The following LMF2 variants were observed in gnomAD, a reference collection of about 807,000 sequenced individuals.
LMF2 encodes the protein lipase maturation factor 2.
A neutral mutation model predicts 81.5 loss-of-function variants in LMF2; 113 were observed. The ratio of observed to expected loss-of-function variants is 1.39; its 90% CI spans 1.19 to 1.62. The LOEUF is 1.62. LMF2 is among the 40% of genes most tolerant of loss of function. The pLI, the probability that LMF2 is intolerant of heterozygous loss-of-function variation, is 0.00. For synonymous variants in LMF2, 645 were observed against 424.5 expected (o/e 1.52, Z -6.39); for missense variants, 1,235 against 929.1 (o/e 1.33, Z -4.28).
At position 50,505,742 on chromosome 22, in the gene LMF2, G is replaced by C. The variant is rs1297955350; in HGVS notation, c.848C>G (p.Thr283Ser). The C allele has an allele frequency of 6.2e-7, 1 of 1,613,038 alleles. No individual in the cohort carries two copies. The highest frequency in any genetic ancestry group is 1.3e-5 in the African/African-American group (1 of 74,940). Residue 283 changes from threonine to serine, a missense_variant, in exon 6 of 14, where the codon ACT becomes AGT. Transcript: ENST00000474879. ...CAGGTGCTGGTCGTCCAGCAGCGCA[G>C]TGGTAAGCACCAGCGTCATCAGGTT... ...FFNLMTLVLT[T>S]ALLDDQHLAA...
At position 50,505,162 on chromosome 22, in the gene LMF2, A is replaced by G. The variant is rs774402373; in HGVS notation, c.1158-9T>C. ...CCCGCACCTGGGTCCACCTGTGGGCAAGGACCCAAGGTCGTCAGGCCGGCC... is the reference window on the plus strand; with the variant it reads ...CCCGCACCTGGGTCCACCTGTGGGCGAGGACCCAAGGTCGTCAGGCCGGCC... On this transcript the variant is annotated splice_polypyrimidine_tract_variant and intron_variant, in intron 8 of 13. Transcript: ENST00000474879. The G allele has an allele frequency of 6.2e-7, 1 of 1,612,848 alleles. No homozygotes were observed. The highest frequency in any genetic ancestry group is 2.2e-5 in the East Asian group (1 of 44,882).
In LMF2 at chr22:50,506,278, C is replaced by T; in HGVS notation, c.595+7G>A. The T allele has an allele frequency of 6.5e-7, 1 of 1,548,632 alleles. No individual in the cohort carries two copies. Among genetic ancestry groups the T allele is most frequent in the Non-Finnish European group, 8.7e-7 (1 of 1,145,940 alleles). The stretch of plus-strand genomic sequence containing the variant: ...AGACTACCCCAGGTCCAGACCGGGC[C>T]CCTCACCAGTGAGCCCCCACCACGC... On this transcript the variant is annotated splice_region_variant and intron_variant, in intron 4 of 13. Coordinates refer to ENST00000474879, the MANE Select transcript of LMF2 (RefSeq NM_033200.3).
At position 50,506,489 on chromosome 22, in the gene LMF2, G is replaced by A. The variant is rs943573261; in HGVS notation, c.391C>T (p.Leu131=). The A allele has an allele frequency of 2.6e-6, 4 of 1,556,296 alleles. No individual in the cohort carries two copies. Among genetic ancestry groups the A allele is most frequent in the African/African-American group, 2.7e-5 (2 of 73,768 alleles). ...AGCACGGCCAGGAAGCCAGTCTCTA[G>A]CAGCAGGGAGTCCCTATGGGGAGAG... The part of the protein sequence containing the change: ...FLYFQWDSLL[L]ETGFLAVLVA... Residue 131 remains leucine (L), a synonymous_variant, in exon 4 of 14, where the codon CTA becomes TTA. Coordinates refer to ENST00000474879, the MANE Select transcript of LMF2 (RefSeq NM_033200.3).
intron 12 of LMF2, 107 bp from the exon 13 acceptor site, chr22:50,504,011 C>G: frequency 9.7e-7 from 1 of 1,026,234 alleles, no homozygotes; most frequent in South Asian, 1.5e-5. Flanking sequence ...CTCCACATCC[C>G]CCCCTGGTGC....
In LMF2 at chr22:50,507,671, G is replaced by C. The variant is rs759883609; in HGVS notation, c.5C>G (p.Ala2Gly). Residue 2 changes from alanine to glycine, a missense_variant, in exon 1 of 14, where the codon GCG becomes GGG. By Grantham distance (60) the Ala-to-Gly change is moderately conservative. Coordinates refer to ENST00000474879, the MANE Select transcript of LMF2 (RefSeq NM_033200.3). Reference sequence around the variant, plus strand: ...GAGCTGCCGCGGGAGCCGGGAGCCCGCCATGTCCGCTACGCGGCCCGCTAG... The same window carrying C: ...GAGCTGCCGCGGGAGCCGGGAGCCCCCCATGTCCGCTACGCGGCCCGCTAG... M[A>G]GSRLPRQLFL... 5 of 1,550,118 alleles carry C rather than the reference G, an allele frequency of 3.2e-6. No homozygotes were observed. Among genetic ancestry groups the C allele is most frequent in the Non-Finnish European group, 4.4e-6 (5 of 1,147,178 alleles).
Position 50,504,680 on chromosome 22 carries a change from C to T in LMF2, c.1485G>A (p.Pro495=), listed in dbSNP as rs755545844. ...GGCGTGGCTGGTGGGGCACCACAACCGGGGGCGGCCGGCTCAGGTTCCCAG... is the reference window on the plus strand; with the variant it reads ...GGCGTGGCTGGTGGGGCACCACAACTGGGGGCGGCCGGCTCAGGTTCCCAG... ...YKPGNLSRPP[P]VVVPHQPRLD... is the part of the protein sequence containing the mutation. Residue 495 remains proline (P), a synonymous_variant, in exon 11 of 14, where the codon CCG becomes CCA. Coordinates refer to ENST00000474879, the MANE Select transcript of LMF2 (RefSeq NM_033200.3). 1.3e-5 allele frequency: 21 copies of T among 1,609,158 alleles called. No homozygotes were observed. The highest frequency in any genetic ancestry group is 1.7e-4 in the Middle Eastern group (1 of 6,058).
At chr22:50,506,692 G>C in intron 2 of LMF2, 26 bp from the exon 3 acceptor site, 1 of 1,613,734 alleles carries the variant, frequency 6.2e-7, no homozygotes, top group Non-Finnish European at 8.5e-7. Context: ...CTGTCAGGGA[G>C]CGGGTGTGTC....
chr22:50,505,846 A>G, intron 5 of LMF2, 31 bp from the exon 6 acceptor site: 1 of 1,610,826 alleles, frequency 6.2e-7, no homozygotes, highest in Non-Finnish European at 8.5e-7. Context: ...GTGCTCCCGG[A>G]GACTGACGCC....
Position 50,503,960 on chromosome 22 carries a change from C to T in LMF2, c.1719-56G>A, listed in dbSNP as rs577631663. The T allele has an allele frequency of 4.1e-4, 618 of 1,493,540 alleles. 2 individuals are homozygous for T. Among genetic ancestry groups the T allele is most frequent in the South Asian group, 5.1e-4 (45 of 87,468 alleles). The allele number at this position is 1,493,540 out of a possible 1,614,324, so 92.5% of individuals were successfully genotyped here. ...AGGCACCCCGGGCTCCATACCCCAT[C>T]GCCAGTGCCCAGCCTTACCCCTGCT... is the stretch of plus-strand genomic sequence containing the variant. On this transcript the variant is annotated intron_variant, in intron 12 of 13. Coordinates refer to ENST00000474879, the MANE Select transcript of LMF2 (RefSeq NM_033200.3).
chr22:50,507,146 C>T, intron 1 of LMF2, 111 bp from the exon 2 acceptor site: 1 of 1,449,352 alleles, frequency 6.9e-7, no homozygotes, highest in South Asian at 1.4e-5. Context: ...CGGATACCTC[C>T]ATCCCTAGGT....
chr22:50,503,255 C>T lies in LMF2; in HGVS notation c.*136G>A, dbSNP rs1569517760. ...AGCCCTCAATGCAGCACCCTGCAAA[C>T]CCCAGGGGCAGCCCCCCAACCTGTG... On this transcript the variant is annotated 3_prime_UTR_variant, in exon 14 of 14. Coordinates refer to ENST00000474879, the MANE Select transcript of LMF2 (RefSeq NM_033200.3). 1.1e-6 allele frequency: 1 copy of T among 943,466 alleles called. No individual in the cohort carries two copies. 58.4% of individuals were successfully genotyped at this position (943,466 alleles called of 1,614,324 possible).
chr22:50,505,937 T>C, intron 5 of LMF2, 98 bp downstream of exon 5: 1 of 1,566,694 alleles, frequency 6.4e-7, no homozygotes, highest in Non-Finnish European at 8.7e-7. Context: ...GGTTGCCAGC[T>C]GTCCCCGGGA....
In LMF2 at chr22:50,505,231, C is replaced by CT. The variant is rs748247974; in HGVS notation, c.1154_1155insA (p.Trp385Ter). ...SLVWELLSAL[W>*]RWTQVRGWLR... ...TCCCTGCTTCCTGGGCCATGTACCT[C>CT]CACAGGGCACTCAGCAGCTCCCAGA... Residue 385 changes from tryptophan (W) to a stop codon, truncating the protein, a stop_gained and frameshift_variant, in exon 8 of 14, where the codon TGG becomes TGAG. Coordinates refer to ENST00000474879, the MANE Select transcript of LMF2 (RefSeq NM_033200.3). LOFTEE classifies it high-confidence loss of function. 1 of 1,613,026 alleles carries CT rather than the reference C, an allele frequency of 6.2e-7. No homozygotes were observed. Among genetic ancestry groups the CT allele is most frequent in the Admixed American group, 1.7e-5 (1 of 60,028 alleles).
Position 50,503,224 on chromosome 22 carries a change from G to T in LMF2, c.*167C>A. 1 of 638,324 alleles carries T rather than the reference G, an allele frequency of 1.6e-6. No individual in the cohort carries two copies. The highest frequency in any genetic ancestry group is 2.6e-6 in the Non-Finnish European group (1 of 387,298). The allele number at this position is 638,324 out of a possible 1,614,324, so 39.5% of individuals were successfully genotyped here. ...GGGGCATGGCTGGCGTGGGGGTGGGGCCTGGAGCCCTCAATGCAGCACCCT... is the reference window on the plus strand; with the variant it reads ...GGGGCATGGCTGGCGTGGGGGTGGGTCCTGGAGCCCTCAATGCAGCACCCT... On this transcript the variant is annotated 3_prime_UTR_variant, in exon 14 of 14. Coordinates refer to ENST00000474879, the MANE Select transcript of LMF2 (RefSeq NM_033200.3).
intron 5 of LMF2, 41 bp downstream of exon 5, chr22:50,505,994 G>C (rs758216359): frequency 1.3e-6 from 2 of 1,565,020 alleles, no homozygotes; most frequent in Middle Eastern, 1.7e-4. Flanking sequence ...TGAAGGCCGA[G>C]CCCTGTCTGC....
At position 50,503,418 on chromosome 22, in the gene LMF2, A is replaced by G; in HGVS notation, c.2097T>C (p.Ser699=). Residue 699 remains serine (S), a synonymous_variant, in exon 14 of 14, where the codon AGT becomes AGC. Transcript: ENST00000474879. The stretch of plus-strand genomic sequence containing the variant: ...ACTTCTTTCGCCGGGTGGTCCTCGA[A>G]CTACTGGAGCAGGGGTTGGGGGCTG... ...ATAAPNPCSS[S]SRTTRRKK 6.2e-7 allele frequency: 1 copy of G among 1,609,692 alleles called. No homozygotes were observed. Among genetic ancestry groups the G allele is most frequent in the Non-Finnish European group, 8.5e-7 (1 of 1,178,862 alleles).
In LMF2 at chr22:50,506,834, C is replaced by T. The variant is rs780742406; in HGVS notation, c.296G>A (p.Arg99His). The change falls in exon 2 of 14, where the codon CGC (arginine) becomes CAC (histidine). Residue 99 changes from arginine to histidine, a missense_variant. Arg to His is a conservative substitution (Grantham distance 29, BLOSUM62 0). Transcript: ENST00000474879. ...AAGCAGCAAGTAGATGACAGGGTGG[C>T]GCAGTGGGCTCAGCAGCAGGGCTCC... ...ALGALLLSPL[R>H]HPVIYLLLWA... 18 of 1,604,310 alleles carry T rather than the reference C, an allele frequency of 1.1e-5. No individual in the cohort carries two copies. The highest frequency in any genetic ancestry group is 2.7e-5 in the African/African-American group (2 of 74,590).
At position 50,504,008 on chromosome 22, in the gene LMF2, T is replaced by TC. The variant is rs1317620641; in HGVS notation, c.1719-105dup. ...GCTCCTCAGCTCCTCACGCTCCACATCCCCCCCTGGTGCCCGGCCTTACCC... is the reference window on the plus strand; with the variant it reads ...GCTCCTCAGCTCCTCACGCTCCACATCCCCCCCCTGGTGCCCGGCCTTACCC... On this transcript the variant is annotated intron_variant, in intron 12 of 13. Transcript: ENST00000474879. The TC allele has an allele frequency of 3.6e-5, 28 of 772,636 alleles. No homozygotes were observed. In the East Asian group the frequency reaches 3.8e-4, roughly 11 times the overall value. 47.9% of individuals were successfully genotyped at this position (772,636 alleles called of 1,614,324 possible). A position where few individuals can be genotyped will look rare whatever the true frequency, so the allele number is the denominator to read the frequency against.
In LMF2 at chr22:50,504,757, C is replaced by T. The variant is rs780374237; in HGVS notation, c.1438-30G>A. On this transcript the variant is annotated intron_variant, in intron 10 of 13. Coordinates refer to ENST00000474879, the MANE Select transcript of LMF2 (RefSeq NM_033200.3). The stretch of plus-strand genomic sequence containing the variant: ...CAGGCAGGCCGAGGTCAGCTGGGCC[C>T]GCTGACCTGGGCCCCACCACCCTGC... 32 of 1,606,996 alleles carry T rather than the reference C, an allele frequency of 2.0e-5. No individual in the cohort carries two copies. In the African/African-American group the frequency reaches 2.4e-4, roughly 12 times the overall value.
Sources: gnomAD v4.1 joint callset for allele counts on GRCh38, gnomAD v4.1.1 for gene constraint, MANE v1.5 for transcripts, NCBI Gene and HGNC (gene_info 2026-07-23, HGNC 2026-07-21) for gene names.